The following EPM2A variants were observed in gnomAD, a reference collection of about 807,000 sequenced individuals.
EPM2A encodes the protein EPM2A glucan phosphatase, laforin.
In EPM2A, 21 loss-of-function variants were observed where a neutral mutation model predicts 26.5. The observed-to-expected ratio is 0.79, with a 90% CI of 0.56 to 1.14. The LOEUF is 1.14. EPM2A is among the 50% of genes most tolerant of loss of function. The pLI is 0.00. For missense variants in EPM2A, 458 were observed against 440.8 expected (o/e 1.04, Z -0.35); for synonymous variants, 217 against 177.6 (o/e 1.22, Z -1.76).
At chr6:145,475,749 G>C (rs1390461179) in intron 4 of EPM2A, among the ~76,000 whole-genome samples, 5 of 151,858 alleles carry the variant, frequency 3.3e-5, no homozygotes, top group Non-Finnish European at 7.4e-5. Context: ...TTATAAGAGA[G>C]TATTTGAAAG....
intron 2 of EPM2A, among the ~76,000 whole-genome samples, chr6:145,664,659 G>A (rs931800033): frequency 6.5e-4 from 99 of 152,078 alleles, no homozygotes; most frequent in South Asian, 1.0e-3. Context: ...TGCACCAAGC[G>A]GACCTAATCG....
At chr6:145,533,314 A>T (rs455001) in intron 2 of EPM2A, among the ~76,000 whole-genome samples, 40,553 of 151,506 alleles carry the variant, frequency 0.27, 5,910 homozygotes, top group South Asian at 0.38. Flanking sequence ...TTTCACCTAG[A>T]CTCCTGCAAT....
chr6:145,626,708 A>C lies in EPM2A; in HGVS notation c.*708T>G, dbSNP rs933057620. On this transcript the variant is annotated 3_prime_UTR_variant, in exon 4 of 4. Transcript: ENST00000367519. ...AGCTACCTATGCTCATTAAGCCTCA[A>C]TTTAACTTCTTGACATCTCAACTAT... 1 of 985,920 alleles carries C rather than the reference A, an allele frequency of 1.0e-6. No homozygotes were observed. Among genetic ancestry groups the C allele is most frequent in the Non-Finnish European group, 1.2e-6 (1 of 830,286 alleles). The allele number at this position is 985,920 out of a possible 1,614,324, so 61.1% of individuals were successfully genotyped here.
intron 4 of EPM2A, among the ~76,000 whole-genome samples, chr6:145,459,116 T>A (rs930054872): frequency 3.9e-5 from 6 of 152,136 alleles, no homozygotes; most frequent in African/African-American, 1.4e-4. Flanking sequence ...ACTATTGCAA[T>A]AGAGGAGACA....
chr6:145,459,164 G>C (rs1012737068), intron 4 of EPM2A, among the ~76,000 whole-genome samples: 22 of 152,138 alleles, frequency 1.4e-4, no homozygotes, highest in African/African-American at 5.3e-4. Flanking sequence ...GGACAAGTGG[G>C]GATATGTAGC....
intron 2 of EPM2A, among the ~76,000 whole-genome samples, chr6:145,512,678 T>C (rs1473005674): frequency 8.5e-6 from 1 of 117,564 alleles, no homozygotes; most frequent in African/African-American, 3.4e-5. Context: ...ACCACTGTAC[T>C]CCAGCCCGGG....
rs1018500185 is a variant in EPM2A, at chr6:145,655,540, G to A, written c.477-20054C>T. Among the ~76,000 whole-genome samples the A allele has an allele frequency of 5.3e-5, 8 of 152,128 alleles. No individual in the cohort carries two copies. The East Asian group carries it at 7.7e-4, about 15-fold the overall frequency. On this transcript the variant is annotated intron_variant, in intron 2 of 3. Coordinates refer to ENST00000367519, the MANE Select transcript of EPM2A (RefSeq NM_005670.4). ...AAATAATATTTGAAAGGCAGAAGCT[G>A]TAATATGTTTTTATATTTACAAAAC...
chr6:145,513,760 C>G (rs1447192730), intron 2 of EPM2A, among the ~76,000 whole-genome samples: 1 of 152,206 alleles, frequency 6.6e-6, no homozygotes, highest in Admixed American at 6.5e-5. Context: ...CAAGTGCCTA[C>G]TAACTCTCTT....
chr6:145,495,312 T>TTG (rs1779803080), intron 4 of EPM2A, among the ~76,000 whole-genome samples: 1 of 150,414 alleles, frequency 6.6e-6, no homozygotes, highest in Non-Finnish European at 1.5e-5. Flanking sequence ...CCACTGGGAT[T>TTG]TTTTTTTTTT....
intron 4 of EPM2A, among the ~76,000 whole-genome samples, chr6:145,434,692 T>C (rs575819710): frequency 6.6e-6 from 1 of 152,332 alleles, no homozygotes; most frequent in Non-Finnish European, 1.5e-5. Flanking sequence ...ATTCACTATG[T>C]TGCCCAAACA....
rs186335924 is a variant in EPM2A, at chr6:145,477,318, C to T, written c.555+25204G>A. On this transcript the variant is annotated intron_variant, in intron 4 of 4. Transcript: ENST00000638717. ...CTTCCAGTAAAGAAAAGCCCAGGAC[C>T]TGATGGCTTCACTGTTGAATTCTAC... Among the ~76,000 whole-genome samples, 172 of 151,968 alleles carry T rather than the reference C, an allele frequency of 1.1e-3. No individual in the cohort carries two copies. The Middle Eastern group carries it at 0.014, about 12-fold the overall frequency.
intron 4 of EPM2A, among the ~76,000 whole-genome samples, chr6:145,460,401 TAAG>T (rs368558827): frequency 2.0e-5 from 3 of 152,166 alleles, no homozygotes; most frequent in Non-Finnish European, 2.9e-5. Flanking sequence ...AACTATAAAC[TAAG>T]AAGAAGATAT....
intron 2 of EPM2A, among the ~76,000 whole-genome samples, chr6:145,526,191 C>G (rs938132870): frequency 6.6e-6 from 1 of 151,890 alleles, no homozygotes; most frequent in Non-Finnish European, 1.5e-5. Flanking sequence ...TGGATTCAGT[C>G]TGCTAGTATT....
At chr6:145,620,695 C>T (rs1775614760), downstream of EPM2A, among the ~76,000 whole-genome samples, 1 of 152,152 alleles carries the variant, frequency 6.6e-6, no homozygotes, top group African/African-American at 2.4e-5. Context: ...TCCAGCTCTC[C>T]ATTCTTTCAC....
chr6:145,620,990 TATACA>T (rs1309853719), downstream of EPM2A, among the ~76,000 whole-genome samples: 4 of 152,236 alleles, frequency 2.6e-5, no homozygotes, highest in East Asian at 1.9e-4. Context: ...AAATTTCAAG[TATACA>T]ATACATTATT....
At chr6:145,560,639 T>G (rs1465084756) in intron 2 of EPM2A, among the ~76,000 whole-genome samples, 1 of 152,160 alleles carries the variant, frequency 6.6e-6, no homozygotes, top group Non-Finnish European at 1.5e-5. Flanking sequence ...AATATCTGGT[T>G]GGAAACTTTA....
chr6:145,485,284 A>C (rs1418698495), intron 4 of EPM2A, among the ~76,000 whole-genome samples: 1 of 152,100 alleles, frequency 6.6e-6, no homozygotes, highest in Non-Finnish European at 1.5e-5. Context: ...GTTTCAAAAG[A>C]GGACATAGTA....
intron 4 of EPM2A, among the ~76,000 whole-genome samples, chr6:145,444,236 T>A (rs187002034): frequency 4.6e-5 from 7 of 152,326 alleles, no homozygotes; most frequent in Non-Finnish European, 1.0e-4. Context: ...GGCTGTGGGT[T>A]TGGCATAAAT....
At chr6:145,553,501 C>G (rs999634901) in intron 2 of EPM2A, among the ~76,000 whole-genome samples, 8 of 152,124 alleles carry the variant, frequency 5.3e-5, no homozygotes, top group African/African-American at 1.9e-4. Context: ...GTCTACCTTC[C>G]AATCCTTTGC....
Sources: allele counts gnomAD v4.1 joint callset (sites outside exome capture counted in the v4.1 genomes callset), GRCh38; gene constraint gnomAD v4.1.1; transcripts MANE v1.5; gene names NCBI Gene and HGNC (gene_info 2026-07-23, HGNC 2026-07-21).